Variants in HSP90AA1 observed in about 807,000 individuals in gnomAD.
HSP90AA1 encodes the protein heat shock protein HSP 90-alpha.
In HSP90AA1, 18 loss-of-function variants were observed where a neutral mutation model predicts 73.3. That is an observed-to-expected ratio of 0.25 (90% CI 0.17 to 0.36). HSP90AA1 has a LOEUF of 0.36. Ranked by LOEUF, HSP90AA1 falls within the 10% of genes least tolerant of loss-of-function variation. HSP90AA1 has a pLI of 1.00. For synonymous variants in HSP90AA1, 477 were observed against 296.9 expected (o/e 1.61, Z -6.24); for missense variants, 704 against 874.2 (o/e 0.81, Z 2.45).
At chr14:102,108,431 T>C (rs2049597753) in intron 1 of HSP90AA1, among the ~76,000 whole-genome samples, 1 of 151,894 alleles carries the variant, frequency 6.6e-6, no homozygotes, top group Non-Finnish European at 1.5e-5. Flanking sequence ...TAGCAGTTTT[T>C]TAGTTGATTT....
At chr14:102,085,189 G>C (rs1182819082) in intron 4 of HSP90AA1, 109 bp downstream of exon 4, 1 of 1,430,060 alleles carries the variant, frequency 7.0e-7, no homozygotes, top group African/African-American at 1.4e-5. Flanking sequence ...TAGAGCTTAG[G>C]TTCCCCAGGC....
At chr14:102,112,332 C>T (rs2049652225) in intron 1 of HSP90AA1, among the ~76,000 whole-genome samples, 2 of 152,132 alleles carry the variant, frequency 1.3e-5, no homozygotes, top group South Asian at 4.1e-4. Context: ...GCCACCACAC[C>T]CAGCTAATTT....
chr14:102,084,456 A>G lies in HSP90AA1; in HGVS notation c.1090T>C (p.Tyr364His). ...NRKKKNNIKLYVRRVFIMDNC... is the reference protein window; with the variant it reads ...NRKKKNNIKLHVRRVFIMDNC... ...TCCATGATGAAAACTCTGCGTACAT[A>G]CAATTTGATGTTGTTCTTTTTCTTT... is the stretch of plus-strand genomic sequence containing the variant. Residue 364 changes from tyrosine to histidine, a missense_variant, in exon 6 of 11, where the codon TAT becomes CAT. By Grantham distance (83) the Tyr-to-His change is moderately conservative. Coordinates refer to ENST00000216281, the MANE Select transcript of HSP90AA1 (RefSeq NM_005348.4). The G allele has an allele frequency of 6.2e-7, 1 of 1,613,790 alleles. No homozygotes were observed. The highest frequency in any genetic ancestry group is 8.5e-7 in the Non-Finnish European group (1 of 1,179,656).
intron 1 of HSP90AA1, among the ~76,000 whole-genome samples, chr14:102,137,420 G>A (rs1162700927): frequency 6.6e-6 from 1 of 151,652 alleles, no homozygotes; most frequent in Non-Finnish European, 1.5e-5. Context: ...CCACCTCCCG[G>A]GTTCAAGCAA....
At chr14:102,104,007 C>T (rs1256693835) in intron 1 of HSP90AA1, among the ~76,000 whole-genome samples, 3 of 150,844 alleles carry the variant, frequency 2.0e-5, no homozygotes, top group African/African-American at 4.9e-5. Context: ...CACCACTGCA[C>T]CCTGTCCTGG....
chr14:102,092,448 T>G (rs1211856619), intron 2 of HSP90AA1, among the ~76,000 whole-genome samples: 1 of 152,210 alleles, frequency 6.6e-6, no homozygotes, highest in African/African-American at 2.4e-5. Flanking sequence ...TTATTGGGCC[T>G]TGTTTAATGG....
At chr14:102,135,670 T>C (rs528409513) in intron 1 of HSP90AA1, among the ~76,000 whole-genome samples, 3 of 152,354 alleles carry the variant, frequency 2.0e-5, no homozygotes, top group Non-Finnish European at 4.4e-5. Flanking sequence ...GGAAGGCAGC[T>C]AAGGCCCGGC....
At chr14:102,105,594 C>T (rs2152620510) in intron 1 of HSP90AA1, among the ~76,000 whole-genome samples, 1 of 152,262 alleles carries the variant, frequency 6.6e-6, no homozygotes, top group Non-Finnish European at 1.5e-5. Context: ...TGGAGCTATG[C>T]AGGAAGAGGG....
intron 6 of HSP90AA1, 39 bp downstream of exon 6, chr14:102,084,360 T>A (rs373599349): frequency 1.4e-4 from 222 of 1,587,136 alleles, no homozygotes; most frequent in Non-Finnish European, 1.9e-4. Context: ...AGTACTTCTT[T>A]AATCAGTGAC....
Position 102,121,043 on chromosome 14 carries a change from G to A in HSP90AA1, c.155+18207C>T, listed in dbSNP as rs894268236. On this transcript the variant is annotated intron_variant, in intron 1 of 11. Coordinates refer to the HSP90AA1 transcript ENST00000334701. ...CACATACACACACACACACACACAC[G>A]TAAAGTTGAGACAGGGTCTTGCTCT... is the stretch of plus-strand genomic sequence containing the variant. 4.2e-5 allele frequency among the ~76,000 whole-genome samples: 6 copies of A among 144,180 alleles called. No individual in the cohort carries two copies. In the South Asian group the frequency reaches 6.7e-4, roughly 16 times the overall value. The allele number at this position is 144,180 out of a possible 152,430, so 94.6% of individuals were successfully genotyped here.
chr14:102,095,840 T>A (rs2049417009), intron 2 of HSP90AA1, among the ~76,000 whole-genome samples: 1 of 152,212 alleles, frequency 6.6e-6, no homozygotes, highest in East Asian at 1.9e-4. Flanking sequence ...CCATTTCCAC[T>A]TCCAGCTGGG....
chr14:102,094,846 C>T (rs754546310), intron 2 of HSP90AA1, among the ~76,000 whole-genome samples: 5 of 152,100 alleles, frequency 3.3e-5, no homozygotes, highest in African/African-American at 9.7e-5. Context: ...CCACTCTGAC[C>T]GTGGTGTGTA....
chr14:102,084,232 G>A (rs3742429), intron 6 of HSP90AA1, 167 bp downstream of exon 6: 551,757 of 700,838 alleles, frequency 0.79, 223,757 homozygotes, highest in South Asian at 0.84. Flanking sequence ...ATTTAGTAGA[G>A]ATGGGGTTTC....
intron 1 of HSP90AA1, among the ~76,000 whole-genome samples, chr14:102,136,240 T>A (rs1263905792): frequency 6.6e-6 from 1 of 152,184 alleles, no homozygotes; most frequent in African/African-American, 2.4e-5. Flanking sequence ...AAAAAATAAT[T>A]CATAAGGTTT....
At chr14:102,082,811 T>C in intron 9 of HSP90AA1, 1 of 557,974 alleles carries the variant, frequency 1.8e-6, no homozygotes, top group East Asian at 3.3e-5. Flanking sequence ...TAGTAGAGAC[T>C]GAGTTTCACC....
At chr14:102,119,395 A>G (rs909233012) in intron 1 of HSP90AA1, among the ~76,000 whole-genome samples, 1 of 152,180 alleles carries the variant, frequency 6.6e-6, no homozygotes, top group African/African-American at 2.4e-5. Context: ...AAGATCTAGC[A>G]CAGTTCTTAT....
At chr14:102,092,411 C>T (rs2049371157) in intron 2 of HSP90AA1, among the ~76,000 whole-genome samples, 1 of 152,112 alleles carries the variant, frequency 6.6e-6, no homozygotes, top group African/African-American at 2.4e-5. Context: ...AGAGAACATA[C>T]TTTGCATGAT....
intron 1 of HSP90AA1, among the ~76,000 whole-genome samples, chr14:102,126,069 G>A (rs2152625451): frequency 6.6e-6 from 1 of 152,264 alleles, no homozygotes; most frequent in Middle Eastern, 3.4e-3. Context: ...ACTTACATTT[G>A]GGGCCTCAGG....
chr14:102,136,467 G>T lies in HSP90AA1; in HGVS notation c.155+2783C>A, dbSNP rs540720865. Among the ~76,000 whole-genome samples, 94 of 151,324 alleles carry T rather than the reference G, an allele frequency of 6.2e-4. 1 individual carries two copies. The highest frequency in any genetic ancestry group is 2.2e-3 in the African/African-American group (91 of 41,080). On this transcript the variant is annotated intron_variant, in intron 1 of 11. Transcript: ENST00000334701. ...GCCTGTAGTCCCAGCTACTCGGGAG[G>T]CTGAGGCAGAAGACTCGCTTGAACC...
Sources: allele counts gnomAD v4.1 joint callset (sites outside exome capture counted in the v4.1 genomes callset), GRCh38; gene constraint gnomAD v4.1.1; transcripts MANE v1.5; gene names NCBI Gene and HGNC (gene_info 2026-07-23, HGNC 2026-07-21).